KHDRBS2: variants seen among roughly 807,000 people sequenced by gnomAD.
KHDRBS2 encodes the protein KH domain-containing, RNA-binding, signal transduction-associated protein 2.
A neutral mutation model predicts 44.3 loss-of-function variants in KHDRBS2; 26 were observed. That is an observed-to-expected ratio of 0.59 (90% CI 0.43 to 0.81). KHDRBS2 has a LOEUF of 0.81. Ranked by LOEUF, KHDRBS2 falls within the 40% of genes least tolerant of loss-of-function variation. The pLI, the probability that KHDRBS2 is intolerant of heterozygous loss-of-function variation, is 0.00. For synonymous variants in KHDRBS2, 194 were observed against 151.1 expected (o/e 1.28, Z -2.08); for missense variants, 476 against 433.1 (o/e 1.10, Z -0.88).
chr6:61,816,451 A>G (rs568309358), intron 6 of KHDRBS2, among the ~76,000 whole-genome samples: 202 of 152,194 alleles, frequency 1.3e-3, no homozygotes, highest in African/African-American at 4.8e-3. Flanking sequence ...ATGCAGCTGC[A>G]AGCCAAGGAA....
At chr6:61,569,659 CCA>C in the KHDRBS2 span, among the ~76,000 whole-genome samples, 2 of 152,158 alleles carry the variant, frequency 1.3e-5, no homozygotes, top group Non-Finnish European at 2.9e-5. Context: ...CCAAAGACTT[CCA>C]CAGAGTCCAT....
chr6:62,090,141 C>T (rs370751543), intron 2 of KHDRBS2, among the ~76,000 whole-genome samples: 2 of 152,012 alleles, frequency 1.3e-5, no homozygotes, highest in African/African-American at 4.8e-5. Context: ...ACAAAAACAA[C>T]AGAAACAAAA....
At chr6:61,967,138 G>A (rs1212957720) in intron 4 of KHDRBS2, among the ~76,000 whole-genome samples, 1 of 146,402 alleles carries the variant, frequency 6.8e-6, no homozygotes, top group Admixed American at 6.9e-5. Context: ...CAAGACACAT[G>A]AAATTACAAT....
chr6:62,218,838 A>G (rs943909820), intron 1 of KHDRBS2, among the ~76,000 whole-genome samples: 10 of 151,900 alleles, frequency 6.6e-5, no homozygotes, highest in African/African-American at 2.4e-4. Flanking sequence ...CTGTTAAGCC[A>G]TAAGAAAATA....
the KHDRBS2 span, among the ~76,000 whole-genome samples, chr6:61,558,736 G>C: frequency 6.6e-6 from 1 of 152,006 alleles, no homozygotes; most frequent in Non-Finnish European, 1.5e-5. Flanking sequence ...CAAAATTTCT[G>C]TTATTGCTGA....
At chr6:62,162,869 G>A (rs1188615253) in intron 2 of KHDRBS2, among the ~76,000 whole-genome samples, 1 of 152,012 alleles carries the variant, frequency 6.6e-6, no homozygotes, top group Non-Finnish European at 1.5e-5. Context: ...CAAGTAAAAG[G>A]ATCAGGTGCC....
intron 6 of KHDRBS2, among the ~76,000 whole-genome samples, chr6:61,852,786 TA>T (rs1795642465): frequency 6.6e-6 from 1 of 152,164 alleles, no homozygotes; most frequent in Non-Finnish European, 1.5e-5. Context: ...AATAATTTAT[TA>T]AAATAATCTT....
At chr6:61,879,392 ATGG>A (rs1236792367) in intron 6 of KHDRBS2, among the ~76,000 whole-genome samples, 1 of 151,912 alleles carries the variant, frequency 6.6e-6, no homozygotes, top group Non-Finnish European at 1.5e-5. Context: ...TTTTAAAGCC[ATGG>A]ACTCTGCCTT....
chr6:61,768,078 C>T (rs1402682985), intron 6 of KHDRBS2, among the ~76,000 whole-genome samples: 1 of 151,964 alleles, frequency 6.6e-6, no homozygotes, highest in African/African-American at 2.4e-5. Context: ...TTTATTTTTC[C>T]TTCTTGTTTG....
At chr6:61,560,175 A>T in the KHDRBS2 span, among the ~76,000 whole-genome samples, 1 of 152,176 alleles carries the variant, frequency 6.6e-6, no homozygotes, top group East Asian at 1.9e-4. Context: ...GCTGTTAGAC[A>T]TATTGGAGCT....
chr6:61,943,053 A>G (rs1812468744), intron 4 of KHDRBS2, among the ~76,000 whole-genome samples: 1 of 149,770 alleles, frequency 6.7e-6, no homozygotes, highest in Non-Finnish European at 1.5e-5. Context: ...GAAGGGAGGG[A>G]AAGGAAGGAA....
At position 62,008,013 on chromosome 6, in the gene KHDRBS2, G is replaced by T. The variant is rs145231077; in HGVS notation, c.337-29801C>A. The stretch of plus-strand genomic sequence containing the variant: ...ATGATATACAAAATGAATTTCATAT[G>T]TTAAAAAATGCCAAGCATTGACTGT... On this transcript the variant is annotated intron_variant, in intron 3 of 8. Transcript: ENST00000281156. Among the ~76,000 whole-genome samples, 1,240 of 152,232 alleles carry T rather than the reference G, an allele frequency of 8.1e-3. 11 individuals are homozygous for T. Among genetic ancestry groups the T allele is most frequent in the African/African-American group, 0.028 (1,163 of 41,532 alleles).
At chr6:62,062,461 A>T (rs1475593428) in intron 2 of KHDRBS2, among the ~76,000 whole-genome samples, 1 of 151,848 alleles carries the variant, frequency 6.6e-6, no homozygotes, top group Non-Finnish European at 1.5e-5. Context: ...ACTAGAACTC[A>T]GGATTAAGAA....
chr6:61,900,325 C>A (rs1803748501), intron 5 of KHDRBS2, among the ~76,000 whole-genome samples: 1 of 151,934 alleles, frequency 6.6e-6, no homozygotes, highest in Non-Finnish European at 1.5e-5. Context: ...CAAACTGAAT[C>A]TGAAAAGTAT....
rs574525935 is a variant in KHDRBS2 at position 62,036,848 on chromosome 6, C to A, written c.336+11030G>T. ...ACAAATGAAATAATTAAACTAGTAT[C>A]TTTAGGTTTTCTGCCAGCTTTAAGA... On this transcript the variant is annotated intron_variant, in intron 3 of 8. Transcript: ENST00000281156. Among the ~76,000 whole-genome samples, 5 of 152,060 alleles carry A rather than the reference C, an allele frequency of 3.3e-5. No homozygotes were observed. The South Asian group carries it at 1.0e-3, about 32-fold the overall frequency.
chr6:61,942,482 A>T (rs1048791387), intron 4 of KHDRBS2, among the ~76,000 whole-genome samples: 2 of 152,180 alleles, frequency 1.3e-5, no homozygotes, highest in African/African-American at 4.8e-5. Context: ...TAAGCAGAAA[A>T]TGAATGTTAA....
At chr6:61,974,980 A>G (rs187990615) in intron 4 of KHDRBS2, among the ~76,000 whole-genome samples, 45 of 144,784 alleles carry the variant, frequency 3.1e-4, no homozygotes, top group Admixed American at 1.6e-3. Context: ...AAATAAATAA[A>G]TAAAAGACTA....
chr6:61,604,728 A>G, the KHDRBS2 span, among the ~76,000 whole-genome samples: 93,558 of 151,984 alleles, frequency 0.62, 29,031 homozygotes, highest in Non-Finnish European at 0.65. Context: ...CAGGGCTGGC[A>G]AATTGACTTT....
intron 6 of KHDRBS2, among the ~76,000 whole-genome samples, chr6:61,808,485 G>A (rs1302761833): frequency 1.3e-5 from 2 of 152,072 alleles, no homozygotes; most frequent in Admixed American, 1.3e-4. Context: ...CTGAGTTTTA[G>A]CATTAGGTTT....
Sources: allele counts gnomAD v4.1 joint callset (sites outside exome capture counted in the v4.1 genomes callset), GRCh38; gene constraint gnomAD v4.1.1; transcripts MANE v1.5; gene names NCBI Gene and HGNC (gene_info 2026-07-23, HGNC 2026-07-21).